Variants in RFX6 observed in about 807,000 individuals in gnomAD.
RFX6 encodes DNA-binding protein RFX6.
RFX6 carries 50 observed loss-of-function variants against 110.8 expected under a neutral mutation model. The observed-to-expected ratio is 0.45, with a 90% CI of 0.36 to 0.57. The LOEUF (loss-of-function observed/expected upper bound fraction) is 0.57, where lower values mean the gene tolerates loss of function less well. RFX6 is among the 20% of genes least tolerant of loss of function. The pLI, the probability that RFX6 is intolerant of heterozygous loss-of-function variation, is 0.00. For synonymous variants in RFX6, 383 were observed against 411.2 expected, an observed-to-expected ratio of 0.93 and a Z score of 0.83; for missense variants, 990 against 1,127.0, an observed-to-expected ratio of 0.88 and a Z score of 1.74.
In RFX6 at chr6:116,880,597, T is replaced by G; in HGVS notation, c.434T>G (p.Leu145Arg). The G allele has an allele frequency of 6.2e-7, 1 of 1,612,330 alleles. No individual in the cohort carries two copies. The highest frequency in any genetic ancestry group is 8.5e-7 in the Non-Finnish European group (1 of 1,178,484). Residue 145 changes from leucine (L) to arginine (R), a missense_variant, in exon 3 of 19, where the codon CTT (leucine) becomes CGT (arginine). Physicochemically the swap from Leu to Arg is moderately radical, Grantham distance 102. Coordinates refer to ENST00000332958, the MANE Select transcript of RFX6 (RefSeq NM_173560.4). ...CEGVCLPRCILYAHYLDFCRK... is the reference protein window; with the variant it reads ...CEGVCLPRCIRYAHYLDFCRK... ...GGAGTTTGCTTACCACGGTGCATTC[T>G]TTATGCACACTACTTAGATTTCTGT...
chr6:116,900,882 G>T (rs1042076938), intron 6 of RFX6, among the ~76,000 whole-genome samples: 1 of 152,120 alleles, frequency 6.6e-6, no homozygotes, highest in African/African-American at 2.4e-5. Flanking sequence ...TGTGAAATAT[G>T]TAAAGCATAA....
At chr6:116,928,132 C>T (rs995331190) in intron 17 of RFX6, among the ~76,000 whole-genome samples, 6 of 151,168 alleles carry the variant, frequency 4.0e-5, no homozygotes, top group African/African-American at 1.5e-4. Flanking sequence ...ACCTTAATAG[C>T]CCCAAAGAAG....
At chr6:116,920,286 G>A (rs1182275642) in intron 11 of RFX6, 24 bp from the exon 12 acceptor site, 3 of 1,591,816 alleles carry the variant, frequency 1.9e-6, no homozygotes, top group Admixed American at 1.7e-5. Context: ...ATAGTGTAGT[G>A]TCTTCTTTAC....
At position 116,928,757 on chromosome 6, in the gene RFX6, A is replaced by G. The variant is rs1367182953; in HGVS notation, c.2399-2A>G. ...GCAAATTCTCAACATTTTCTGTTAC[A>G]GGATACTATGGAAGCAACATAAACT... On this transcript the variant is annotated splice_acceptor_variant, in intron 17 of 18. Coordinates refer to ENST00000332958, the MANE Select transcript of RFX6 (RefSeq NM_173560.4). LOFTEE classifies it high-confidence loss of function. 6.8e-6 allele frequency: 11 copies of G among 1,606,428 alleles called. No homozygotes were observed. In the East Asian group the frequency reaches 2.5e-4, roughly 36 times the overall value.
intron 3 of RFX6, among the ~76,000 whole-genome samples, chr6:116,881,180 T>C (rs1434339630): frequency 6.6e-6 from 1 of 152,082 alleles, no homozygotes; most frequent in African/African-American, 2.4e-5. Context: ...AATATTTCTT[T>C]CTACCCAACC....
chr6:116,908,213 A>C (rs1374590127), intron 6 of RFX6, among the ~76,000 whole-genome samples: 1 of 151,980 alleles, frequency 6.6e-6, no homozygotes, highest in African/African-American at 2.4e-5. Flanking sequence ...CATGTGATCA[A>C]ATTTTTTATC....
At chr6:116,903,168 TAC>T (rs1271527398) in intron 6 of RFX6, among the ~76,000 whole-genome samples, 1 of 152,070 alleles carries the variant, frequency 6.6e-6, no homozygotes, top group Non-Finnish European at 1.5e-5. Flanking sequence ...CTTTTTGTGT[TAC>T]ACTTACTGGA....
chr6:116,883,625 A>G (rs1774639903), intron 4 of RFX6, among the ~76,000 whole-genome samples: 1 of 152,072 alleles, frequency 6.6e-6, no homozygotes, highest in African/African-American at 2.4e-5. Flanking sequence ...ACGTTTTTGA[A>G]ATCTAGTGTG....
In RFX6 at chr6:116,893,979, T is replaced by C. The variant is rs1467084840; in HGVS notation, c.567-8T>C. The C allele has an allele frequency of 1.3e-6, 2 of 1,541,462 alleles. No individual in the cohort carries two copies. Among genetic ancestry groups the C allele is most frequent in the African/African-American group, 1.4e-5 (1 of 73,532 alleles). ...CTAACACAGAGCTGGTTCCTGTCTT[T>C]GCTCTAGGTATCATTACTATGGGAT... On this transcript the variant is annotated splice_region_variant and splice_polypyrimidine_tract_variant and intron_variant, in intron 4 of 18. Coordinates refer to ENST00000332958, the MANE Select transcript of RFX6 (RefSeq NM_173560.4).
In RFX6 at chr6:116,931,325, T is replaced by G; in HGVS notation, c.2612-6T>G. On this transcript the variant is annotated splice_polypyrimidine_tract_variant and splice_region_variant and intron_variant, in intron 18 of 18. Transcript: ENST00000332958. ...TTTCAATTGCTGATTATATTTTCCC[T>G]TACAGCTTCCAGTTTGCAAACCCCA... The G allele has an allele frequency of 6.2e-7, 1 of 1,604,948 alleles. No individual in the cohort carries two copies. Among genetic ancestry groups the G allele is most frequent in the African/African-American group, 1.3e-5 (1 of 74,880 alleles).
In RFX6 at chr6:116,877,821, T is replaced by C. The variant is rs565954659; in HGVS notation, c.249T>C (p.Phe83=). ...AAATGCACTTAAACAATGGTAACTT[T>C]TCCTCTGAAGAAGAGGACGCCGACA... ...KSEMHLNNGN[F]SSEEEDADNH... Residue 83 remains phenylalanine, a synonymous_variant, in exon 2 of 19, where the codon TTT becomes TTC. Transcript: ENST00000332958. The C allele has an allele frequency of 6.2e-7, 1 of 1,614,118 alleles. No individual in the cohort carries two copies. The highest frequency in any genetic ancestry group is 1.3e-5 in the African/African-American group (1 of 75,044).
In RFX6 at chr6:116,929,412, A is replaced by G. The variant is rs568581919; in HGVS notation, c.2611+441A>G. Among the ~76,000 whole-genome samples the G allele has an allele frequency of 2.6e-5, 4 of 152,216 alleles. No individual in the cohort carries two copies. The South Asian group carries it at 8.3e-4, about 32-fold the overall frequency. ...CCAAAAATCACTCCAAGATTAAAAA[A>G]AACTGGTGTCCTGTGATGGGTGCTA... On this transcript the variant is annotated intron_variant, in intron 18 of 18. Transcript: ENST00000332958.
chr6:116,897,650 G>A (rs976998383), intron 6 of RFX6, among the ~76,000 whole-genome samples: 10 of 152,150 alleles, frequency 6.6e-5, no homozygotes, highest in African/African-American at 2.4e-4. Flanking sequence ...TTAGAAGAGT[G>A]TAAGGCAGGA....
chr6:116,895,146 T>A, intron 5 of RFX6, 34 bp from the exon 6 acceptor site: 1 of 1,271,954 alleles, frequency 7.9e-7, no homozygotes, highest in Non-Finnish European at 1.1e-6. Flanking sequence ...TGTAATTTTG[T>A]TTGAACTAAT....
rs556787805 is a variant in RFX6, at chr6:116,911,417, C to T, written c.780+375C>T. 4.6e-5 allele frequency among the ~76,000 whole-genome samples: 7 copies of T among 152,250 alleles called. No individual in the cohort carries two copies. In the South Asian group the frequency reaches 1.5e-3, roughly 32 times the overall value. On this transcript the variant is annotated intron_variant, in intron 7 of 18. Transcript: ENST00000332958. ...CAGCAAATGGTCATCAAGCATTTCTCTAGGACAGAATCTGTCCCTAGCACT... is the reference window on the plus strand; with the variant it reads ...CAGCAAATGGTCATCAAGCATTTCTTTAGGACAGAATCTGTCCCTAGCACT...
intron 2 of RFX6, among the ~76,000 whole-genome samples, chr6:116,879,165 T>C (rs1774532721): frequency 6.6e-6 from 1 of 151,888 alleles, no homozygotes; most frequent in African/African-American, 2.4e-5. Context: ...CTTTTATGAA[T>C]AAATGTATAC....
chr6:116,912,336 C>G (rs9374626), intron 7 of RFX6, among the ~76,000 whole-genome samples: 1 of 151,484 alleles, frequency 6.6e-6, no homozygotes, highest in Non-Finnish European at 1.5e-5. Context: ...ATCTAAAATA[C>G]AAGTTGGAAA....
intron 6 of RFX6, among the ~76,000 whole-genome samples, chr6:116,900,679 T>C (rs913304558): frequency 6.6e-6 from 1 of 151,354 alleles, no homozygotes; most frequent in Non-Finnish European, 1.5e-5. Flanking sequence ...AAATAGAAAA[T>C]GCAGACAGAA....
At position 116,931,922 on chromosome 6, in the gene RFX6, C is replaced by T. The variant is rs927254990; in HGVS notation, c.*416C>T. 1 of 173,132 alleles carries T rather than the reference C, an allele frequency of 5.8e-6. No homozygotes were observed. Among genetic ancestry groups the T allele is most frequent in the South Asian group, 1.4e-4 (1 of 6,964 alleles). The allele number at this position is 173,132 out of a possible 1,614,324, so 10.7% of individuals were successfully genotyped here. ...GATCTCAGAATCATTGTTTACTATC[C>T]CTTATTTGACAAAAAGTCAAATGTG... On this transcript the variant is annotated 3_prime_UTR_variant, in exon 19 of 19. Transcript: ENST00000332958.
Sources: allele counts gnomAD v4.1 joint callset (sites outside exome capture counted in the v4.1 genomes callset), GRCh38; gene constraint gnomAD v4.1.1; transcripts MANE v1.5; gene names NCBI Gene and HGNC (gene_info 2026-07-23, HGNC 2026-07-21).